The following CHSY3 variants were observed in gnomAD, a reference collection of about 807,000 sequenced individuals.
CHSY3 encodes chondroitin sulfate synthase 3, also known as N-acetylgalactosaminyl-proteoglycan 3-beta-glucuronosyltransferase 3.
Under a neutral mutation model 67.2 loss-of-function variants are expected in CHSY3, and 35 were observed. That is an observed-to-expected ratio of 0.52 (90% confidence interval 0.40 to 0.69). The LOEUF (loss-of-function observed/expected upper bound fraction) is 0.69. Ranked by LOEUF, CHSY3 falls within the 30% of genes least tolerant of loss-of-function variation. The probability of loss-of-function intolerance (pLI) is 0.00; values close to 1 mark genes in which losing one functional copy is unlikely to be tolerated. For missense variants in CHSY3, 1,069 were observed against 1,138.5 expected, an observed-to-expected ratio of 0.94 and a Z score of 0.88; for synonymous variants, 474 against 434.7, an observed-to-expected ratio of 1.09 and a Z score of -1.12.
At chr5:130,141,657 A>C (rs774315380) in intron 2 of CHSY3, 3 of 527,428 alleles carry the variant, frequency 5.7e-6, no homozygotes, top group Non-Finnish European at 1.1e-5. Flanking sequence ...AAAGCTATGC[A>C]TTCGATATGA....
At position 129,955,281 on chromosome 5, in the gene CHSY3, A is replaced by G. The variant is rs563753600; in HGVS notation, c.1086+46921A>G. Among the ~76,000 whole-genome samples, 5 of 152,162 alleles carry G rather than the reference A, an allele frequency of 3.3e-5. No individual in the cohort carries two copies. In the South Asian group the frequency reaches 1.0e-3, roughly 32 times the overall value. On this transcript the variant is annotated intron_variant, in intron 2 of 2. Coordinates refer to ENST00000305031, the MANE Select transcript of CHSY3 (RefSeq NM_175856.5). ...GTATCCCCCTCTTTTCCTTGGAGAC[A>G]TCTTCTGGTGCCTTCTACCGTCTTG...
intron 2 of CHSY3, among the ~76,000 whole-genome samples, chr5:129,971,987 T>C (rs1762652920): frequency 1.3e-5 from 2 of 152,028 alleles, no homozygotes; most frequent in South Asian, 2.1e-4. Flanking sequence ...AATTCAAAAG[T>C]GTTGAAGGGC....
intron 2 of CHSY3, among the ~76,000 whole-genome samples, chr5:130,050,427 G>T (rs966644367): frequency 1.3e-5 from 2 of 152,066 alleles, no homozygotes; most frequent in East Asian, 3.9e-4. Context: ...TCTACACAAA[G>T]AATACAAATT....
At chr5:129,922,991 G>A (rs569984987) in intron 2 of CHSY3, among the ~76,000 whole-genome samples, 24 of 152,222 alleles carry the variant, frequency 1.6e-4, no homozygotes, top group Admixed American at 3.3e-4. Flanking sequence ...GGTGAGCACC[G>A]TGATCAGATT....
At chr5:130,056,538 G>A (rs1765537721) in intron 2 of CHSY3, among the ~76,000 whole-genome samples, 2 of 152,170 alleles carry the variant, frequency 1.3e-5, no homozygotes, top group Non-Finnish European at 1.5e-5. Flanking sequence ...ATACATGGAA[G>A]CTTGACTTTT....
intron 2 of CHSY3, among the ~76,000 whole-genome samples, chr5:129,999,691 G>A (rs1393471415): frequency 1.3e-5 from 2 of 152,042 alleles, no homozygotes; most frequent in African/African-American, 4.8e-5. Flanking sequence ...AACACACCAT[G>A]CTTTCCTTCC....
chr5:129,909,873 C>A (rs560154238), intron 2 of CHSY3, among the ~76,000 whole-genome samples: 1 of 151,926 alleles, frequency 6.6e-6, no homozygotes, highest in East Asian at 1.9e-4. Context: ...CTGTAGTTAA[C>A]AATATAGATG....
chr5:130,167,241 A>G lies in CHSY3; in HGVS notation c.1087-16988A>G, dbSNP rs146668931. ...CAGTGGAAAAGTACTGGAAGACATT[A>G]GAGGGGAAGTTGGCTGGTATGATCA... On this transcript the variant is annotated intron_variant, in intron 2 of 2. Transcript: ENST00000305031. Among the ~76,000 whole-genome samples the G allele has an allele frequency of 4.1e-3, 623 of 152,228 alleles. 8 individuals carry two copies. Among genetic ancestry groups the G allele is most frequent in the South Asian group, 0.036 (172 of 4,822 alleles).
intron 2 of CHSY3, among the ~76,000 whole-genome samples, chr5:130,044,935 AG>A (rs1162068004): frequency 2.6e-5 from 4 of 152,250 alleles, no homozygotes; most frequent in African/African-American, 9.6e-5. Flanking sequence ...ATGACACTAG[AG>A]GAAAAAATGG....
chr5:130,178,253 A>ATATTTTTTTTTT (rs1205782386), intron 2 of CHSY3, among the ~76,000 whole-genome samples: 5 of 45,910 alleles, frequency 1.1e-4, no homozygotes, highest in South Asian at 1.9e-3. Flanking sequence ...ATATATATAT[A>ATATTTTTTTTTT]TTTTTTTTTT....
At chr5:130,024,341 A>G (rs114226258) in intron 2 of CHSY3, among the ~76,000 whole-genome samples, 4 of 152,112 alleles carry the variant, frequency 2.6e-5, no homozygotes, top group African/African-American at 9.7e-5. Flanking sequence ...ACAGTTGTTC[A>G]TCCAAATCTT....
At chr5:130,038,823 C>G (rs1006514359) in intron 2 of CHSY3, among the ~76,000 whole-genome samples, 1 of 151,860 alleles carries the variant, frequency 6.6e-6, no homozygotes, top group Admixed American at 6.6e-5. Flanking sequence ...TGGTTTATAA[C>G]AGAATTATAA....
intron 2 of CHSY3, among the ~76,000 whole-genome samples, chr5:130,076,262 C>T (rs1766246708): frequency 6.6e-6 from 1 of 151,614 alleles, no homozygotes; most frequent in Non-Finnish European, 1.5e-5. Flanking sequence ...TGCATACCTT[C>T]ACTTCAGGAC....
At chr5:129,938,472 A>G (rs1269845397) in intron 2 of CHSY3, among the ~76,000 whole-genome samples, 2 of 152,162 alleles carry the variant, frequency 1.3e-5, no homozygotes, top group African/African-American at 4.8e-5. Flanking sequence ...TCAAACTTTT[A>G]TGCTTTGCTT....
intron 2 of CHSY3, among the ~76,000 whole-genome samples, chr5:130,076,775 T>C (rs1368211757): frequency 1.3e-5 from 2 of 152,218 alleles, no homozygotes; most frequent in East Asian, 3.9e-4. Context: ...GGTCTTTCAT[T>C]GGAGTTAAAA....
At chr5:130,075,027 A>T (rs1766204902) in intron 2 of CHSY3, among the ~76,000 whole-genome samples, 1 of 152,144 alleles carries the variant, frequency 6.6e-6, no homozygotes, top group Non-Finnish European at 1.5e-5. Context: ...GATTAAGTGG[A>T]ATAGAGGGCT....
chr5:130,140,342 A>G (rs1252194734), intron 2 of CHSY3: 2 of 562,050 alleles, frequency 3.6e-6, no homozygotes, highest in African/African-American at 1.9e-5. Context: ...CAAGTAGAAT[A>G]CAAGGGAGAG....
At chr5:129,964,359 T>A (rs1467007256) in intron 2 of CHSY3, among the ~76,000 whole-genome samples, 1 of 151,896 alleles carries the variant, frequency 6.6e-6, no homozygotes, top group Non-Finnish European at 1.5e-5. Flanking sequence ...TTTCATCAGT[T>A]GGGCTCTACC....
intron 2 of CHSY3, among the ~76,000 whole-genome samples, chr5:130,178,297 C>T (rs1390297921): frequency 7.6e-6 from 1 of 131,212 alleles, no homozygotes; most frequent in Admixed American, 8.6e-5. Flanking sequence ...ACTCTGTCAC[C>T]CAGGCTGGAG....
Sources: gnomAD v4.1 joint callset for allele counts (sites outside exome capture counted in the v4.1 genomes callset) on GRCh38, gnomAD v4.1.1 for gene constraint, MANE v1.5 for transcripts, NCBI Gene and HGNC (gene_info 2026-07-23, HGNC 2026-07-21) for gene names.